Variants in PTPRM observed in about 807,000 individuals in gnomAD.
PTPRM encodes the protein receptor-type tyrosine-protein phosphatase mu.
A neutral mutation model predicts 186.7 loss-of-function variants in PTPRM; 47 were observed. The observed-to-expected ratio is 0.25, with a 90% CI of 0.20 to 0.32. The LOEUF is 0.32. Ranked by LOEUF, PTPRM falls within the 10% of genes least tolerant of loss-of-function variation. PTPRM has a pLI of 1.00. For synonymous variants in PTPRM, 668 were observed against 674.9 expected, an observed-to-expected ratio of 0.99 and a Z score of 0.16; for missense variants, 1,494 against 1,865.0, an observed-to-expected ratio of 0.80 and a Z score of 3.66.
intron 1 of PTPRM, among the ~76,000 whole-genome samples, chr18:7,661,456 G>A (rs1250262491): frequency 6.6e-6 from 1 of 152,250 alleles, no homozygotes; most frequent in Admixed American, 6.5e-5. Flanking sequence ...ACAGGGAATG[G>A]TTGGGATGAG....
At chr18:7,912,881 G>T (rs1451292037) in intron 4 of PTPRM, among the ~76,000 whole-genome samples, 2 of 152,138 alleles carry the variant, frequency 1.3e-5, no homozygotes, top group African/African-American at 2.4e-5. Context: ...AAAAAATTCA[G>T]CTGGGATATT....
rs2094502398 is a variant in PTPRM, at chr18:8,248,936, A to G, written c.2554+760A>G. On this transcript the variant is annotated intron_variant, in intron 17 of 32. Coordinates refer to ENST00000580170, the MANE Select transcript of PTPRM (RefSeq NM_001105244.2). The stretch of plus-strand genomic sequence containing the variant: ...ACAGAAAAAGTCCCGTTTGTCCAAT[A>G]TAAGAAGGGTGAGGAGAAAAATGGC... Among the ~76,000 whole-genome samples, 3 of 152,220 alleles carry G rather than the reference A, an allele frequency of 2.0e-5. No individual in the cohort carries two copies. The South Asian group carries it at 6.2e-4, about 32-fold the overall frequency.
intron 3 of PTPRM, among the ~76,000 whole-genome samples, chr18:7,905,430 C>T (rs1388164904): frequency 6.6e-6 from 1 of 152,190 alleles, no homozygotes; most frequent in Non-Finnish European, 1.5e-5. Flanking sequence ...GAGCTAACGC[C>T]CTCTTGATTT....
At chr18:8,116,331 C>A (rs2091955880) in intron 13 of PTPRM, among the ~76,000 whole-genome samples, 1 of 152,226 alleles carries the variant, frequency 6.6e-6, no homozygotes, top group African/African-American at 2.4e-5. Context: ...AAATCTCTTT[C>A]ATGCGTGTGT....
chr18:8,201,724 A>T (rs1279596202), intron 14 of PTPRM, among the ~76,000 whole-genome samples: 1 of 152,136 alleles, frequency 6.6e-6, no homozygotes, highest in Admixed American at 6.5e-5. Flanking sequence ...AAGGACACCA[A>T]TCCTATCAGA....
intron 7 of PTPRM, among the ~76,000 whole-genome samples, chr18:8,048,543 ACTTAT>A (rs1201352558): frequency 1.3e-5 from 2 of 151,976 alleles, no homozygotes; most frequent in Admixed American, 1.3e-4. Context: ...ATAAGAACTA[ACTTAT>A]CAATCATAGG....
At chr18:7,880,162 A>G (rs1208722953) in intron 2 of PTPRM, among the ~76,000 whole-genome samples, 3 of 152,112 alleles carry the variant, frequency 2.0e-5, no homozygotes, top group Admixed American at 1.3e-4. Flanking sequence ...ACATGTGGGG[A>G]TTATAGGAAC....
At chr18:7,904,845 A>G (rs144608650) in intron 3 of PTPRM, among the ~76,000 whole-genome samples, 2,587 of 152,310 alleles carry the variant, frequency 0.017, 22 homozygotes, top group South Asian at 0.033. Flanking sequence ...CCGGTGAGAT[A>G]GTTTCATTCT....
chr18:8,123,338 C>G (rs1447959567), intron 13 of PTPRM, among the ~76,000 whole-genome samples: 4 of 152,076 alleles, frequency 2.6e-5, no homozygotes, highest in Non-Finnish European at 5.9e-5. Flanking sequence ...GGCAATGTCC[C>G]CTAACATTTA....
chr18:7,784,383 G>T (rs1290593888), intron 2 of PTPRM, among the ~76,000 whole-genome samples: 1 of 152,034 alleles, frequency 6.6e-6, no homozygotes, highest in Non-Finnish European at 1.5e-5. Context: ...CTCTCTGCCA[G>T]CCCAGCTGCT....
chr18:8,096,582 A>G (rs1234905460), intron 11 of PTPRM, among the ~76,000 whole-genome samples: 1 of 152,242 alleles, frequency 6.6e-6, no homozygotes, highest in East Asian at 1.9e-4. Flanking sequence ...TAAATTAGAA[A>G]TAGTTTCAAT....
intron 1 of PTPRM, among the ~76,000 whole-genome samples, chr18:7,675,918 G>T (rs1356467753): frequency 6.6e-6 from 1 of 152,032 alleles, no homozygotes; most frequent in Non-Finnish European, 1.5e-5. Context: ...TGTATTTTTA[G>T]TAGAGACGAA....
chr18:8,394,619 AC>A lies in PTPRM; in HGVS notation c.4344+13del. On this transcript the variant is annotated intron_variant, in intron 32 of 32. Coordinates refer to ENST00000580170, the MANE Select transcript of PTPRM (RefSeq NM_001105244.2). Reference sequence around the variant, plus strand: ...AACATGGTCGACCTCCTGGTAGGACACCCCCTCTGAGCTGTTCCATGAGACA... The same window carrying A: ...AACATGGTCGACCTCCTGGTAGGACACCCCTCTGAGCTGTTCCATGAGACA... 6.2e-7 allele frequency: 1 copy of A among 1,606,480 alleles called. No homozygotes were observed. The highest frequency in any genetic ancestry group is 8.5e-7 in the Non-Finnish European group (1 of 1,176,076).
chr18:7,983,825 A>C (rs2082689117), intron 7 of PTPRM, among the ~76,000 whole-genome samples: 1 of 152,184 alleles, frequency 6.6e-6, no homozygotes, highest in African/African-American at 2.4e-5. Context: ...TAGCTGCTTT[A>C]CTGTCACATA....
At chr18:7,771,872 A>C (rs1468782538) in intron 1 of PTPRM, among the ~76,000 whole-genome samples, 1 of 152,224 alleles carries the variant, frequency 6.6e-6, no homozygotes, top group Non-Finnish European at 1.5e-5. Flanking sequence ...AGTGATGCAC[A>C]AAAGCATGAG....
At chr18:8,224,813 G>A (rs554013742) in intron 14 of PTPRM, among the ~76,000 whole-genome samples, 36 of 152,222 alleles carry the variant, frequency 2.4e-4, no homozygotes, top group African/African-American at 2.6e-4. Context: ...CATTTAACGC[G>A]TCCCTCAGTT....
chr18:7,814,922 A>G (rs908088488), intron 2 of PTPRM: 2 of 152,230 alleles, frequency 1.3e-5, no homozygotes, highest in Admixed American at 6.5e-5. Flanking sequence ...CCAGTCTTAA[A>G]TCTTGAGAAA....
intron 1 of PTPRM, among the ~76,000 whole-genome samples, chr18:7,636,182 GTACC>G (rs148673269): frequency 0.036 from 5,413 of 151,726 alleles, 351 homozygotes; most frequent in African/African-American, 0.13. Context: ...CCTTTAAAGT[GTACC>G]TACCTGTTAA....
intron 2 of PTPRM, 69 bp from the exon 3 acceptor site, chr18:7,888,037 G>A (rs1298697262): frequency 1.3e-6 from 2 of 1,580,948 alleles, no homozygotes; most frequent in South Asian, 2.2e-5. Flanking sequence ...TGTAAATGGT[G>A]GTGGGTTTTC....
Sources: gnomAD v4.1 joint callset for allele counts (sites outside exome capture counted in the v4.1 genomes callset) on GRCh38, gnomAD v4.1.1 for gene constraint, MANE v1.5 for transcripts, NCBI Gene and HGNC (gene_info 2026-07-23, HGNC 2026-07-21) for gene names.